Variants in PTPRM observed in about 807,000 individuals in gnomAD.
PTPRM encodes the protein protein tyrosine phosphatase receptor type M, also known as receptor-type tyrosine-protein phosphatase mu.
PTPRM carries 47 observed loss-of-function variants against 186.7 expected under a neutral mutation model. That is an observed-to-expected ratio of 0.25 (90% CI 0.20 to 0.32). PTPRM has a LOEUF of 0.32. Ranked by LOEUF, PTPRM falls within the 10% of genes least tolerant of loss-of-function variation. The probability of loss-of-function intolerance (pLI) is 1.00; values close to 1 mark genes in which losing one functional copy is unlikely to be tolerated. For missense variants in PTPRM, 1,494 were observed against 1,865.0 expected (o/e 0.80, Z 3.66); for synonymous variants, 668 against 674.9 (o/e 0.99, Z 0.16).
chr18:8,044,781 CAG>C (rs1172001460), intron 7 of PTPRM, among the ~76,000 whole-genome samples: 1 of 140,160 alleles, frequency 7.1e-6, no homozygotes, highest in Non-Finnish European at 1.6e-5. Flanking sequence ...AAAGAAAAAA[CAG>C]AAAATAAAAA....
chr18:8,403,879 G>A (rs998874583), intron 32 of PTPRM: 2 of 152,120 alleles, frequency 1.3e-5, no homozygotes, highest in Admixed American at 6.5e-5. Context: ...GTTCATCCAC[G>A]TTGTAACATG....
At chr18:8,299,009 A>G (rs2095126683) in intron 20 of PTPRM, among the ~76,000 whole-genome samples, 1 of 152,126 alleles carries the variant, frequency 6.6e-6, no homozygotes, top group African/African-American at 2.4e-5. Context: ...CCAGCTACTC[A>G]GGAGGCGGAG....
chr18:8,254,342 G>A lies in PTPRM; in HGVS notation c.2754+928G>A, dbSNP rs114773312. Among the ~76,000 whole-genome samples the A allele has an allele frequency of 4.6e-3, 705 of 152,346 alleles. 4 individuals carry two copies. The highest frequency in any genetic ancestry group is 0.016 in the African/African-American group (673 of 41,590). On this transcript the variant is annotated intron_variant, in intron 19 of 32. Transcript: ENST00000580170. ...ATTCAAGAATTGAAGAGAATTAATT[G>A]ATTGAAGAAATCTAATTCAAAGAAG... is the stretch of plus-strand genomic sequence containing the variant.
chr18:7,781,044 G>A (rs1055948052), intron 2 of PTPRM, among the ~76,000 whole-genome samples: 2 of 151,990 alleles, frequency 1.3e-5, no homozygotes, highest in Non-Finnish European at 2.9e-5. Flanking sequence ...CCTCTAACCC[G>A]GCCCAGTGCA....
chr18:7,839,370 C>A (rs1476870654), intron 2 of PTPRM, among the ~76,000 whole-genome samples: 1 of 151,724 alleles, frequency 6.6e-6, no homozygotes, highest in Non-Finnish European at 1.5e-5. Context: ...TCCCTGCTGG[C>A]TATTCAGAAC....
chr18:8,370,569 C>T (rs1486002920), intron 23 of PTPRM, among the ~76,000 whole-genome samples: 1 of 152,156 alleles, frequency 6.6e-6, no homozygotes, highest in African/African-American at 2.4e-5. Context: ...ACTTCCTTCA[C>T]AGTTTATTTT....
chr18:8,253,108 G>A lies in PTPRM; in HGVS notation c.2567-119G>A, dbSNP rs1054624996. 5.8e-5 allele frequency: 42 copies of A among 724,272 alleles called. No individual in the cohort carries two copies. In the Middle Eastern group the frequency reaches 1.1e-3, roughly 19 times the overall value. 44.9% of individuals were successfully genotyped at this position (724,272 alleles called of 1,614,324 possible). A position where few individuals can be genotyped will look rare whatever the true frequency, so the allele number is the denominator to read the frequency against. ...AACTTTTCTTTTTTGCTGAGCCATC[G>A]TAGGGAATTTTGCACCCCTAGGTGA... On this transcript the variant is annotated intron_variant, in intron 18 of 32. Transcript: ENST00000580170.
chr18:8,065,057 G>A (rs945841252), intron 7 of PTPRM, among the ~76,000 whole-genome samples: 1 of 152,098 alleles, frequency 6.6e-6, no homozygotes, highest in East Asian at 1.9e-4. Flanking sequence ...GTTAGTGGGA[G>A]CATTGGTTGT....
At chr18:8,136,527 G>T (rs771791744) in intron 13 of PTPRM, among the ~76,000 whole-genome samples, 1 of 150,686 alleles carries the variant, frequency 6.6e-6, no homozygotes, top group African/African-American at 2.5e-5. Flanking sequence ...CATTATCTCA[G>T]TCTTATATGA....
At chr18:7,737,367 T>C (rs1471398765) in intron 1 of PTPRM, among the ~76,000 whole-genome samples, 1 of 152,236 alleles carries the variant, frequency 6.6e-6, no homozygotes, top group Non-Finnish European at 1.5e-5. Flanking sequence ...AGTGCTGGGA[T>C]TACAGGCATG....
At chr18:8,239,263 G>C (rs1315837088) in intron 14 of PTPRM, among the ~76,000 whole-genome samples, 2 of 148,652 alleles carry the variant, frequency 1.3e-5, no homozygotes, top group African/African-American at 5.0e-5. Context: ...TTTTGTTCTT[G>C]CGATAGTTTA....
chr18:7,599,427 A>C (rs1035726302), intron 1 of PTPRM, among the ~76,000 whole-genome samples: 3 of 152,228 alleles, frequency 2.0e-5, no homozygotes, highest in Non-Finnish European at 4.4e-5. Flanking sequence ...ATTTGTCTCT[A>C]CAAGTGTAAG....
chr18:8,009,597 ACTT>A (rs1281107451), intron 7 of PTPRM, among the ~76,000 whole-genome samples: 1 of 152,098 alleles, frequency 6.6e-6, no homozygotes, highest in Non-Finnish European at 1.5e-5. Context: ...AGTCCCAACT[ACTT>A]GGGAGTCTGA....
chr18:7,833,505 G>A (rs879386708), intron 2 of PTPRM, among the ~76,000 whole-genome samples: 4 of 152,098 alleles, frequency 2.6e-5, no homozygotes, highest in Admixed American at 2.6e-4. Flanking sequence ...AGGCCAACGT[G>A]GGCAGATCAC....
chr18:8,395,714 A>T (rs1385319478), intron 32 of PTPRM, among the ~76,000 whole-genome samples: 1 of 152,172 alleles, frequency 6.6e-6, no homozygotes, highest in Admixed American at 6.5e-5. Context: ...AGGGGCAGAA[A>T]GGACTGTGCT....
At chr18:7,822,067 A>G (rs1451156327) in intron 2 of PTPRM, among the ~76,000 whole-genome samples, 1 of 152,206 alleles carries the variant, frequency 6.6e-6, no homozygotes, top group Non-Finnish European at 1.5e-5. Context: ...CTCCAAATAT[A>G]GTTCTACTTC....
chr18:8,068,763 T>C (rs2089261423), intron 7 of PTPRM, among the ~76,000 whole-genome samples: 3 of 152,228 alleles, frequency 2.0e-5, no homozygotes, highest in Admixed American at 2.0e-4. Flanking sequence ...TACATGATTA[T>C]AAATTAATGT....
intron 27 of PTPRM, 45 bp downstream of exon 27, chr18:8,378,459 T>C (rs769747593): frequency 2.0e-5 from 32 of 1,598,840 alleles, no homozygotes; most frequent in Non-Finnish European, 2.6e-5. Flanking sequence ...GACTTGCTCC[T>C]CAAGAAGGAT....
In PTPRM at chr18:8,113,501, T is replaced by C. The variant is rs1279303140; in HGVS notation, c.1872T>C (p.Val624=). The C allele has an allele frequency of 6.2e-7, 1 of 1,613,298 alleles. No homozygotes were observed. The highest frequency in any genetic ancestry group is 8.5e-7 in the Non-Finnish European group (1 of 1,179,312). The stretch of plus-strand genomic sequence containing the variant: ...GTTTTTCTAGTGTCTATCAAATAGT[T>C]GTTGAGGAAGAACGTCCTCGAAGAA... The part of the protein sequence containing the change: ...RGAPVSVYQI[V]VEEERPRRTK... Residue 624 remains valine, a synonymous_variant, in exon 12 of 33, where the codon GTT becomes GTC. Coordinates refer to ENST00000580170, the MANE Select transcript of PTPRM (RefSeq NM_001105244.2).
Sources: gnomAD v4.1 joint callset for allele counts (sites outside exome capture counted in the v4.1 genomes callset) on GRCh38, gnomAD v4.1.1 for gene constraint, MANE v1.5 for transcripts, NCBI Gene and HGNC (gene_info 2026-07-23, HGNC 2026-07-21) for gene names.